The following OSBPL1A variants were observed in gnomAD, a reference collection of about 807,000 sequenced individuals.
The protein encoded by OSBPL1A is oxysterol binding protein like 1A, also known as oxysterol-binding protein-related protein 1.
Under a neutral mutation model 137.1 loss-of-function variants are expected in OSBPL1A, and 80 were observed. That is an observed-to-expected ratio of 0.58 (90% CI 0.49 to 0.70). OSBPL1A has a LOEUF of 0.70. OSBPL1A is among the 30% of genes least tolerant of loss of function. OSBPL1A has a pLI of 0.00. For synonymous variants in OSBPL1A, 365 were observed against 389.7 expected (o/e 0.94, Z 0.75); for missense variants, 970 against 1,129.4 (o/e 0.86, Z 2.02).
intron 3 of OSBPL1A, chr18:24,367,882 C>G (rs966113754): frequency 6.5e-6 from 1 of 152,722 alleles, no homozygotes; most frequent in African/African-American, 2.4e-5. Flanking sequence ...AATATGAGCT[C>G]TCAATTCTCT....
Position 24,303,737 on chromosome 18 carries a change from C to G in OSBPL1A, c.1093-19G>C, listed in dbSNP as rs752303709. 1 of 1,595,550 alleles carries G rather than the reference C, an allele frequency of 6.3e-7. No homozygotes were observed. The highest frequency in any genetic ancestry group is 8.6e-7 in the Non-Finnish European group (1 of 1,165,312). Reference sequence around the variant, plus strand: ...GTGCTTTCTGCAAAAAAAGAAAAGACAAAATTAAAACAAAGTAATAAAAGA... The same window carrying G: ...GTGCTTTCTGCAAAAAAAGAAAAGAGAAAATTAAAACAAAGTAATAAAAGA... On this transcript the variant is annotated intron_variant, in intron 13 of 27. Transcript: ENST00000319481.
chr18:24,303,758 A>C, intron 13 of OSBPL1A, 40 bp from the exon 14 acceptor site: 1 of 1,516,692 alleles, frequency 6.6e-7, no homozygotes, highest in Non-Finnish European at 9.1e-7. Context: ...CAAAGTAATA[A>C]AAGATTTTAC....
At chr18:24,386,212 T>G (rs965713970) in intron 1 of OSBPL1A, among the ~76,000 whole-genome samples, 2 of 152,154 alleles carry the variant, frequency 1.3e-5, no homozygotes, top group Non-Finnish European at 2.9e-5. Context: ...GTTTTATTGT[T>G]TTTAAGAAAG....
chr18:24,200,805 T>A (rs1230818384), intron 17 of OSBPL1A, among the ~76,000 whole-genome samples: 3 of 152,088 alleles, frequency 2.0e-5, no homozygotes, highest in Admixed American at 6.5e-5. Context: ...AAATGCTAAA[T>A]CTTCTGCAGT....
At chr18:24,165,205 C>T (rs1163760529) in intron 26 of OSBPL1A, 50 bp from the exon 27 acceptor site, 2 of 1,502,912 alleles carry the variant, frequency 1.3e-6, no homozygotes, top group Non-Finnish European at 1.8e-6. Context: ...ACAGAGGATG[C>T]CAGGCACAGT....
chr18:24,200,466 G>T (rs1422176033), intron 17 of OSBPL1A, among the ~76,000 whole-genome samples: 1 of 151,630 alleles, frequency 6.6e-6, no homozygotes, highest in African/African-American at 2.4e-5. Flanking sequence ...GGAGGCTGAG[G>T]CAGGAGAATC....
intron 1 of OSBPL1A, among the ~76,000 whole-genome samples, chr18:24,387,322 T>C (rs1183396351): frequency 6.6e-6 from 1 of 152,054 alleles, no homozygotes; most frequent in Non-Finnish European, 1.5e-5. Context: ...CCCAAAGTGC[T>C]AGGATTACAG....
At chr18:24,314,382 T>C (rs2090679781) in intron 11 of OSBPL1A, 35 bp from the exon 12 acceptor site, 10 of 1,462,250 alleles carry the variant, frequency 6.8e-6, no homozygotes, top group Non-Finnish European at 9.4e-6. Flanking sequence ...ACAACATTCA[T>C]TCACATAAAA....
chr18:24,193,132 A>G (rs943540357), intron 18 of OSBPL1A, among the ~76,000 whole-genome samples: 2 of 152,170 alleles, frequency 1.3e-5, no homozygotes, highest in African/African-American at 4.8e-5. Flanking sequence ...GGCTTCTAGA[A>G]CTCAGTTTCA....
chr18:24,305,572 C>A (rs927632427), intron 13 of OSBPL1A, among the ~76,000 whole-genome samples: 5 of 152,128 alleles, frequency 3.3e-5, no homozygotes, highest in African/African-American at 1.2e-4. Context: ...AACTAAAAAT[C>A]AATTTATGAA....
chr18:24,171,569 C>G (rs771503248), intron 22 of OSBPL1A, 71 bp from the exon 23 acceptor site: 4 of 1,203,522 alleles, frequency 3.3e-6, no homozygotes, highest in Non-Finnish European at 4.9e-6. Flanking sequence ...TAACTGTGAT[C>G]ACTTTTCTAG....
intron 5 of OSBPL1A, among the ~76,000 whole-genome samples, chr18:24,338,239 A>AT (rs71375134): frequency 0.046 from 6,585 of 143,288 alleles, 331 homozygotes; most frequent in African/African-American, 0.13. Context: ...TGCCTGGCTA[A>AT]TTTTTTTTTT....
intron 15 of OSBPL1A, among the ~76,000 whole-genome samples, chr18:24,276,296 AAGACCC>A (rs1220124231): frequency 1.3e-5 from 2 of 152,184 alleles, no homozygotes; most frequent in Non-Finnish European, 2.9e-5. Context: ...AGGCTAAGAA[AAGACCC>A]AGCACTCACA....
chr18:24,171,563 T>G, intron 22 of OSBPL1A, 65 bp from the exon 23 acceptor site: 2 of 1,257,208 alleles, frequency 1.6e-6, no homozygotes, highest in Non-Finnish European at 2.3e-6. Flanking sequence ...GAAAAATAAC[T>G]GTGATCACTT....
At chr18:24,177,960 C>T (rs2145919720) in intron 21 of OSBPL1A, 53 bp downstream of exon 21, 2 of 1,527,200 alleles carry the variant, frequency 1.3e-6, no homozygotes, top group Non-Finnish European at 1.8e-6. Flanking sequence ...TGCATGTCTA[C>T]ACTTACAGGC....
chr18:24,259,056 GC>G (rs1450438592), intron 15 of OSBPL1A, among the ~76,000 whole-genome samples: 1 of 150,350 alleles, frequency 6.7e-6, no homozygotes, highest in Admixed American at 6.7e-5. Context: ...TCCTGCCTTG[GC>G]CTCCCGAGTA....
At position 24,176,374 on chromosome 18, in the gene OSBPL1A, C is replaced by G. The variant is rs73967693; in HGVS notation, c.2093+1639G>C. Among the ~76,000 whole-genome samples the G allele has an allele frequency of 7.0e-3, 1,062 of 152,238 alleles. 13 individuals carry two copies. Among genetic ancestry groups the G allele is most frequent in the African/African-American group, 0.025 (1,019 of 41,554 alleles). On this transcript the variant is annotated intron_variant, in intron 21 of 27. Coordinates refer to ENST00000319481, the MANE Select transcript of OSBPL1A (RefSeq NM_080597.4). ...ATCTTGTAGTTTTCAACATACACAT[C>G]CTTTACATATTTTGACATTTGCATT...
chr18:24,247,996 G>A (rs923661126), intron 15 of OSBPL1A, among the ~76,000 whole-genome samples: 26 of 152,192 alleles, frequency 1.7e-4, no homozygotes, highest in African/African-American at 6.3e-4. Context: ...AGTGAGAGGG[G>A]AGAATTGCTG....
At chr18:24,205,616 T>C (rs544542550) in intron 17 of OSBPL1A, among the ~76,000 whole-genome samples, 11 of 152,314 alleles carry the variant, frequency 7.2e-5, no homozygotes, top group African/African-American at 2.6e-4. Flanking sequence ...GAAGTAGAGA[T>C]TGATATTATT....
Sources: allele counts gnomAD v4.1 joint callset (sites outside exome capture counted in the v4.1 genomes callset), GRCh38; gene constraint gnomAD v4.1.1; transcripts MANE v1.5; gene names NCBI Gene and HGNC (gene_info 2026-07-23, HGNC 2026-07-21).